Variants in VASN observed in about 807,000 individuals in gnomAD.
VASN encodes protein slit-like 2.
VASN carries 5 observed loss-of-function variants against 4.8 expected under a neutral mutation model. That is an observed-to-expected ratio of 1.03 (90% CI 0.54 to 2.17). The LOEUF (loss-of-function observed/expected upper bound fraction) is 2.17. Among genes scored for constraint, VASN ranks in the 30% most tolerant of loss-of-function variants. The pLI is 0.01. For synonymous variants in VASN, 499 were observed against 460.8 expected (o/e 1.08, Z -1.06); for missense variants, 927 against 948.8 (o/e 0.98, Z 0.30).
In VASN at chr16:4,382,708, G is replaced by A. The variant is rs1332914151; in HGVS notation, c.1831G>A (p.Asp611Asn). ...GCGGGCCATGGCAGCAGCGGCTCAG[G>A]ACAAAGGGCAGGTGGGGCCAGGGGC... is the stretch of plus-strand genomic sequence containing the variant. The part of the protein sequence containing the change: ...RGRAMAAAAQ[D>N]KGQVGPGAGP... Residue 611 changes from aspartate to asparagine, a missense_variant, in exon 2 of 2, where the codon GAC becomes AAC. Coordinates refer to ENST00000304735, the MANE Select transcript of VASN (RefSeq NM_138440.3). 1 of 1,550,510 alleles carries A rather than the reference G, an allele frequency of 6.4e-7. No individual in the cohort carries two copies. The highest frequency in any genetic ancestry group is 2.4e-5 in the East Asian group (1 of 41,092).
At position 4,382,762 on chromosome 16, in the gene VASN, G is replaced by T. The variant is rs926450622; in HGVS notation, c.1885G>T (p.Val629Phe). The change falls in exon 2 of 2, where the codon GTC (valine) becomes TTC (phenylalanine). Residue 629 changes from valine to phenylalanine, a missense_variant. Physicochemically the swap from Val to Phe is conservative, Grantham distance 50 (BLOSUM62 -1). Coordinates refer to ENST00000304735, the MANE Select transcript of VASN (RefSeq NM_138440.3). ...AGPLELEGVK[V>F]PLEPGPKATE... ...GCCCCTGGAACTGGAGGGAGTGAAGGTCCCCTTGGAGCCAGGCCCGAAGGC... is the reference window on the plus strand; with the variant it reads ...GCCCCTGGAACTGGAGGGAGTGAAGTTCCCCTTGGAGCCAGGCCCGAAGGC... The T allele has an allele frequency of 3.2e-6, 5 of 1,563,996 alleles. No homozygotes were observed. The highest frequency in any genetic ancestry group is 4.3e-6 in the Non-Finnish European group (5 of 1,155,148).
intron 1 of VASN, among the ~76,000 whole-genome samples, chr16:4,372,903 T>C (rs2054586476): frequency 6.6e-6 from 1 of 152,100 alleles, no homozygotes; most frequent in Non-Finnish European, 1.5e-5. Flanking sequence ...CAGGTGAGGC[T>C]CTGGAGAGAG....
chr16:4,377,371 G>A lies in VASN; in HGVS notation c.-9-3498G>A, dbSNP rs543910620. ...CCGGGTGGGAGGGTGGGTGGGCGGCGGCAACCACCGTGTGACCTGTAGACA... is the reference window on the plus strand; with the variant it reads ...CCGGGTGGGAGGGTGGGTGGGCGGCAGCAACCACCGTGTGACCTGTAGACA... On this transcript the variant is annotated intron_variant, in intron 1 of 1. Transcript: ENST00000304735. Among the ~76,000 whole-genome samples the A allele has an allele frequency of 1.9e-3, 283 of 152,134 alleles. 2 individuals are homozygous for A. Among genetic ancestry groups the A allele is most frequent in the Middle Eastern group, 6.8e-3 (2 of 294 alleles).
At chr16:4,379,643 C>A (rs1052836646) in intron 1 of VASN, among the ~76,000 whole-genome samples, 3 of 152,058 alleles carry the variant, frequency 2.0e-5, no homozygotes, top group African/African-American at 7.2e-5. Context: ...AGTGTTCCTT[C>A]GTCCTTCCCA....
At chr16:4,379,971 T>C (rs1427543662) in intron 1 of VASN, among the ~76,000 whole-genome samples, 2 of 150,756 alleles carry the variant, frequency 1.3e-5, no homozygotes. Flanking sequence ...GGCAGGAGAA[T>C]TGCTTGAACC....
At chr16:4,378,681 T>C (rs2054841063) in intron 1 of VASN, among the ~76,000 whole-genome samples, 1 of 151,970 alleles carries the variant, frequency 6.6e-6, no homozygotes, top group Non-Finnish European at 1.5e-5. Flanking sequence ...TGCTAACTTC[T>C]TCCAGTGCTC....
chr16:4,372,283 C>T (rs1020608669), intron 1 of VASN, among the ~76,000 whole-genome samples: 1 of 152,338 alleles, frequency 6.6e-6, no homozygotes, highest in South Asian at 2.1e-4. Context: ...CATGCTTCCT[C>T]CTCCCACGGC....
rs1167013356 is a variant in VASN at position 4,381,964 on chromosome 16, C to G, written c.1087C>G (p.Pro363Ala). 1.9e-6 allele frequency: 3 copies of G among 1,608,294 alleles called. No individual in the cohort carries two copies. In the African/African-American group the frequency reaches 4.0e-5, roughly 21 times the overall value. Residue 363 changes from proline (P) to alanine (A), a missense_variant, in exon 2 of 2, where the codon CCC becomes GCC. Pro to Ala is a conservative substitution (Grantham distance 27). Transcript: ENST00000304735. ...TTTATVPTTRPVVREPTALSS... is the reference protein window; with the variant it reads ...TTTATVPTTRAVVREPTALSS... ...CACAGCCACAGTGCCCACCACGAGG[C>G]CCGTGGTGCGGGAGCCCACAGCCTT...
chr16:4,381,995 C>G lies in VASN; in HGVS notation c.1118C>G (p.Ser373Cys). 6.2e-7 allele frequency: 1 copy of G among 1,606,594 alleles called. No individual in the cohort carries two copies. The highest frequency in any genetic ancestry group is 1.7e-5 in the Admixed American group (1 of 59,606). Reference sequence around the variant, plus strand: ...GTGCGGGAGCCCACAGCCTTGTCTTCTAGCTTGGCTCCTACCTGGCTTAGC... The same window carrying G: ...GTGCGGGAGCCCACAGCCTTGTCTTGTAGCTTGGCTCCTACCTGGCTTAGC... Reference protein sequence around the residue: ...PVVREPTALSSSLAPTWLSPT... With the variant: ...PVVREPTALSCSLAPTWLSPT... Residue 373 changes from serine to cysteine, a missense_variant, in exon 2 of 2, where the codon TCT (serine) becomes TGT (cysteine). Coordinates refer to ENST00000304735, the MANE Select transcript of VASN (RefSeq NM_138440.3).
chr16:4,381,501 C>T lies in VASN; in HGVS notation c.624C>T (p.Asp208=), dbSNP rs748796835. The T allele has an allele frequency of 1.1e-5, 17 of 1,591,746 alleles. No homozygotes were observed. Among genetic ancestry groups the T allele is most frequent in the African/African-American group, 4.0e-5 (3 of 74,364 alleles). Residue 208 remains aspartate (D), a synonymous_variant, in exon 2 of 2, where the codon GAC becomes GAT. Transcript: ENST00000304735. ...RLAGLGLQQL[D]EGLFSRLRNL... is the part of the protein sequence containing the mutation. The stretch of plus-strand genomic sequence containing the variant: ...CTGGTCTGGGGCTGCAGCAGCTGGA[C>T]GAGGGGCTCTTCAGCCGCTTGCGCA...
chr16:4,372,506 G>C (rs1284668263), intron 1 of VASN, among the ~76,000 whole-genome samples: 1 of 152,184 alleles, frequency 6.6e-6, no homozygotes, highest in Non-Finnish European at 1.5e-5. Context: ...GCTGGTGGGC[G>C]TCCGATGCCC....
intron 1 of VASN, among the ~76,000 whole-genome samples, chr16:4,374,727 G>A (rs2054657967): frequency 6.6e-6 from 1 of 151,776 alleles, no homozygotes; most frequent in Non-Finnish European, 1.5e-5. Context: ...CGCCATTTCT[G>A]CCACGGGTTG....
chr16:4,372,720 G>T (rs1041191241), intron 1 of VASN, among the ~76,000 whole-genome samples: 3 of 152,298 alleles, frequency 2.0e-5, no homozygotes, highest in African/African-American at 7.2e-5. Context: ...TGTGGTCACT[G>T]GCAGGCCAGC....
In VASN at chr16:4,373,577, G is replaced by C. The variant is rs138427953; in HGVS notation, c.-10+1584G>C. Among the ~76,000 whole-genome samples the C allele has an allele frequency of 3.3e-5, 5 of 152,320 alleles. No individual in the cohort carries two copies. The East Asian group carries it at 9.6e-4, about 29-fold the overall frequency. ...CCGAGGAAGGCCCCTCTGGCACGCA[G>C]CCCAGGGGCCAGGGAGATGGCAAGG... On this transcript the variant is annotated intron_variant, in intron 1 of 1. Transcript: ENST00000304735.
intron 1 of VASN, among the ~76,000 whole-genome samples, chr16:4,376,052 T>C (rs1450387854): frequency 1.2e-4 from 19 of 152,172 alleles, no homozygotes; most frequent in Non-Finnish European, 2.9e-5. Flanking sequence ...CTGACACCCA[T>C]GGGGACCCCC....
Position 4,383,078 on chromosome 16 carries a change from C to A in VASN, c.*179C>A. 1.5e-6 allele frequency: 1 copy of A among 685,632 alleles called. No individual in the cohort carries two copies. Among genetic ancestry groups the A allele is most frequent in the Non-Finnish European group, 2.3e-6 (1 of 428,924 alleles). 42.5% of individuals were successfully genotyped at this position (685,632 alleles called of 1,614,324 possible). A position where few individuals can be genotyped will look rare whatever the true frequency, so the allele number is the denominator to read the frequency against. On this transcript the variant is annotated 3_prime_UTR_variant, in exon 2 of 2. Coordinates refer to ENST00000304735, the MANE Select transcript of VASN (RefSeq NM_138440.3). The stretch of plus-strand genomic sequence containing the variant: ...CCTCGGTCTCCTCATCTGTGAGATG[C>A]TGTGGCCCAGCTGACGAGCCCTAAC...
At position 4,380,925 on chromosome 16, in the gene VASN, C is replaced by T. The variant is rs1341506593; in HGVS notation, c.48C>T (p.Ala16=). 2.5e-6 allele frequency: 4 copies of T among 1,581,160 alleles called. No homozygotes were observed. Among genetic ancestry groups the T allele is most frequent in the African/African-American group, 2.7e-5 (2 of 74,128 alleles). The change falls in exon 2 of 2, where the codon GCC becomes GCT. Residue 16 remains alanine, a synonymous_variant. Transcript: ENST00000304735. ...TGCTGCCGCTGCTCCTGCTACTGGCCCTGGGGCCTGGGGTGCAGGGCTGCC... is the reference window on the plus strand; with the variant it reads ...TGCTGCCGCTGCTCCTGCTACTGGCTCTGGGGCCTGGGGTGCAGGGCTGCC... ...PLLLPLLLLL[A]LGPGVQGCPS...
chr16:4,379,916 TGCATGGTGGCTG>T (rs33993217), intron 1 of VASN, among the ~76,000 whole-genome samples: 91,497 of 147,112 alleles, frequency 0.62, 30,616 homozygotes, highest in East Asian at 0.79. Flanking sequence ...AAATTAGCCA[TGCATGGTGGCTG>T]GCACCTGTAG....
intron 1 of VASN, among the ~76,000 whole-genome samples, chr16:4,379,190 G>T (rs898143581): frequency 1.2e-4 from 18 of 152,110 alleles, no homozygotes; most frequent in Admixed American, 1.2e-3. Flanking sequence ...CAGCCTGTGT[G>T]GGGGAAGGGG....
Sources: allele counts gnomAD v4.1 joint callset (sites outside exome capture counted in the v4.1 genomes callset), GRCh38; gene constraint gnomAD v4.1.1; transcripts MANE v1.5; gene names NCBI Gene and HGNC (gene_info 2026-07-23, HGNC 2026-07-21).